MEI1: variants seen among roughly 807,000 people sequenced by gnomAD.
MEI1 encodes meiosis inhibitor protein 1.
A neutral mutation model predicts 146.2 loss-of-function variants in MEI1; 103 were observed. The ratio of observed to expected loss-of-function variants is 0.70; its 90% CI spans 0.60 to 0.83. MEI1 has a LOEUF of 0.83. Ranked by LOEUF, MEI1 falls within the 40% of genes least tolerant of loss-of-function variation. MEI1 has a pLI of 0.00. For synonymous variants in MEI1, 652 were observed against 628.2 expected (o/e 1.04, Z -0.57); for missense variants, 1,529 against 1,533.0 (o/e 1.00, Z 0.04).
chr22:41,763,895 C>G (rs1170661079), intron 19 of MEI1, among the ~76,000 whole-genome samples: 1 of 151,216 alleles, frequency 6.6e-6, no homozygotes, highest in Admixed American at 6.6e-5. Flanking sequence ...CCTATGTAAT[C>G]TAATCTAACC....
At chr22:41,740,614 C>T (rs6519281) in intron 11 of MEI1, among the ~76,000 whole-genome samples, 29,570 of 151,976 alleles carry the variant, frequency 0.19, 7,777 homozygotes, top group African/African-American at 0.6. Flanking sequence ...CCTGTAGTCC[C>T]GGCTACTCAA....
chr22:41,744,377 T>G (rs2073123970), intron 12 of MEI1, among the ~76,000 whole-genome samples: 1 of 152,074 alleles, frequency 6.6e-6, no homozygotes, highest in African/African-American at 2.4e-5. Flanking sequence ...TTTCACTATG[T>G]TAGCCAGGAT....
chr22:41,724,914 T>C (rs921380541), intron 7 of MEI1, among the ~76,000 whole-genome samples: 8 of 151,914 alleles, frequency 5.3e-5, no homozygotes, highest in Non-Finnish European at 1.0e-4. Context: ...AGCGATCCTC[T>C]TGTCTCAGCT....
chr22:41,701,012 T>C (rs560393077), intron 1 of MEI1, among the ~76,000 whole-genome samples: 2 of 150,620 alleles, frequency 1.3e-5, no homozygotes, highest in Non-Finnish European at 3.0e-5. Flanking sequence ...CAATCTCAGC[T>C]CACCGCAACC....
chr22:41,734,129 A>AAAAAT (rs57256126), intron 11 of MEI1, among the ~76,000 whole-genome samples: 17,466 of 150,846 alleles, frequency 0.12, 2,970 homozygotes, highest in African/African-American at 0.38. Context: ...TTCTGTCTCA[A>AAAAAT]AAAATAAAAT....
In MEI1 at chr22:41,754,064, G is replaced by C. The variant is rs781182696; in HGVS notation, c.1951+18G>C. The C allele has an allele frequency of 1.3e-6, 2 of 1,569,280 alleles. No homozygotes were observed. The highest frequency in any genetic ancestry group is 4.5e-5 in the East Asian group (2 of 44,672). ...CAAAGAAGGTAAGATGCTACAATTTGACCACTCATGTGGCCTGTGCTGGTC... is the reference window on the plus strand; with the variant it reads ...CAAAGAAGGTAAGATGCTACAATTTCACCACTCATGTGGCCTGTGCTGGTC... On this transcript the variant is annotated intron_variant, in intron 17 of 30. Coordinates refer to ENST00000401548, the MANE Select transcript of MEI1 (RefSeq NM_152513.4).
intron 21 of MEI1, 64 bp downstream of exon 21, chr22:41,776,331 C>G (rs1453717658): frequency 1.3e-6 from 2 of 1,549,956 alleles, no homozygotes; most frequent in African/African-American, 2.7e-5. Context: ...GGCATCTCTA[C>G]CCTTGTTAGG....
At chr22:41,749,892 G>C (rs904960681) in intron 15 of MEI1, among the ~76,000 whole-genome samples, 1 of 151,916 alleles carries the variant, frequency 6.6e-6, no homozygotes, top group Non-Finnish European at 1.5e-5. Context: ...GGGAGGATCT[G>C]GTTTGGGGGG....
intron 20 of MEI1, among the ~76,000 whole-genome samples, chr22:41,774,831 T>C (rs2075360182): frequency 6.6e-6 from 1 of 152,210 alleles, no homozygotes; most frequent in Non-Finnish European, 1.5e-5. Flanking sequence ...GTGGTTGTTA[T>C]TGATATATAG....
chr22:41,705,430 C>T lies in MEI1; in HGVS notation c.299-74C>T, dbSNP rs55942231. ...CAGGTAATCTGCCACCTCGGCCTCC[C>T]AAATTGCTGGGGTACAGATGTGTGC... On this transcript the variant is annotated intron_variant, in intron 2 of 30. Coordinates refer to ENST00000401548, the MANE Select transcript of MEI1 (RefSeq NM_152513.4). The T allele has an allele frequency of 2.2e-3, 2,902 of 1,323,280 alleles. 41 individuals carry two copies. In the African/African-American group the frequency reaches 0.038, roughly 17 times the overall value. The allele number at this position is 1,323,280 out of a possible 1,614,324, so 82.0% of individuals were successfully genotyped here.
At position 41,724,028 on chromosome 22, in the gene MEI1, C is replaced by T. The variant is rs751423650; in HGVS notation, c.819C>T (p.Ile273=). 55 of 1,613,560 alleles carry T rather than the reference C, an allele frequency of 3.4e-5. No homozygotes were observed. The highest frequency in any genetic ancestry group is 4.2e-5 in the Non-Finnish European group (50 of 1,179,816). The change falls in exon 7 of 31, where the codon ATC becomes ATT. Residue 273 remains isoleucine (I), a synonymous_variant. Transcript: ENST00000401548. ...QDGLGESAKN[I]EGSSGNTSLP... ...GACTGGGAGAAAGTGCTAAGAATAT[C>T]GAAGGGTCATCAGGAAATACCTCAC...
chr22:41,760,771 C>T (rs1165831437), intron 18 of MEI1, among the ~76,000 whole-genome samples: 1 of 152,156 alleles, frequency 6.6e-6, no homozygotes, highest in Non-Finnish European at 1.5e-5. Flanking sequence ...GCTGCATGCA[C>T]CGGCGGTCAG....
chr22:41,781,522 G>C, intron 23 of MEI1, 128 bp downstream of exon 23: 1 of 1,146,834 alleles, frequency 8.7e-7, no homozygotes, highest in South Asian at 1.5e-5. Context: ...GTCCTTTCTG[G>C]CTCTAATAAC....
At chr22:41,785,968 T>C (rs2075967820) in intron 26 of MEI1, among the ~76,000 whole-genome samples, 1 of 143,322 alleles carries the variant, frequency 7.0e-6, no homozygotes, top group Non-Finnish European at 1.5e-5. Context: ...TGGAGTGCAG[T>C]GGCGCGATCT....
intron 3 of MEI1, among the ~76,000 whole-genome samples, chr22:41,710,063 A>G (rs76797970): frequency 1.5e-4 from 23 of 152,122 alleles, no homozygotes; most frequent in Admixed American, 5.2e-4. Context: ...TAAAAAGTTG[A>G]TTAAGCTAAA....
At chr22:41,735,008 C>T (rs1239430948) in intron 11 of MEI1, among the ~76,000 whole-genome samples, 2 of 151,582 alleles carry the variant, frequency 1.3e-5, no homozygotes, top group Non-Finnish European at 2.9e-5. Context: ...TTCACCCAGG[C>T]TGGGGTGCAG....
intron 11 of MEI1, among the ~76,000 whole-genome samples, chr22:41,736,846 C>T (rs1037028356): frequency 1.3e-5 from 2 of 152,182 alleles, no homozygotes; most frequent in Non-Finnish European, 2.9e-5. Context: ...TTGGGTACCA[C>T]CATTCAGCCC....
At chr22:41,793,986 C>T in intron 27 of MEI1, 76 bp downstream of exon 27, 1 of 1,337,272 alleles carries the variant, frequency 7.5e-7, no homozygotes, top group Non-Finnish European at 1.1e-6. Context: ...CCTCCTGCTC[C>T]AGCCTTCCAT....
intron 6 of MEI1, among the ~76,000 whole-genome samples, 161 bp downstream of exon 6, chr22:41,718,435 T>C (rs1252233605): frequency 6.6e-6 from 1 of 152,198 alleles, no homozygotes; most frequent in Non-Finnish European, 1.5e-5. Flanking sequence ...GAAAGATGCC[T>C]AGAGTTGGTA....
Sources: allele counts gnomAD v4.1 joint callset (sites outside exome capture counted in the v4.1 genomes callset), GRCh38; gene constraint gnomAD v4.1.1; transcripts MANE v1.5; gene names NCBI Gene and HGNC (gene_info 2026-07-23, HGNC 2026-07-21).